The following PPP3CA variants were observed in gnomAD, a reference collection of about 807,000 sequenced individuals.
The protein encoded by PPP3CA is CAM-PRP catalytic subunit.
In PPP3CA, 14 loss-of-function variants were observed where a neutral mutation model predicts 66.5. That is an observed-to-expected ratio of 0.21 (90% CI 0.14 to 0.33). PPP3CA has a LOEUF of 0.33. Ranked by LOEUF, PPP3CA falls within the 10% of genes least tolerant of loss-of-function variation. The pLI, the probability that PPP3CA is intolerant of heterozygous loss-of-function variation, is 1.00. For missense variants in PPP3CA, 317 were observed against 639.5 expected (o/e 0.50, Z 5.44); for synonymous variants, 232 against 226.2 (o/e 1.03, Z -0.23).
In PPP3CA at chr4:101,023,851, A is replaced by G. The variant is rs1395572349; in HGVS notation, c.*2014T>C. 1 of 152,646 alleles carries G rather than the reference A, an allele frequency of 6.6e-6. No homozygotes were observed. Among genetic ancestry groups the G allele is most frequent in the African/African-American group, 2.4e-5 (1 of 41,460 alleles). The allele number at this position is 152,646 out of a possible 1,614,324, so 9.5% of individuals were successfully genotyped here. A position where few individuals can be genotyped will look rare whatever the true frequency, so the allele number is the denominator to read the frequency against. On this transcript the variant is annotated 3_prime_UTR_variant, in exon 14 of 14. Coordinates refer to ENST00000394854, the MANE Select transcript of PPP3CA (RefSeq NM_000944.5). ...TGAACAATGTTACAAACAAACTGAA[A>G]TTTGGTGTATCTTAAATCTTCGGGT...
intron 1 of PPP3CA, among the ~76,000 whole-genome samples, chr4:101,250,141 A>G (rs1200123307): frequency 6.6e-6 from 1 of 152,188 alleles, no homozygotes; most frequent in East Asian, 1.9e-4. Flanking sequence ...AGAGCCAATG[A>G]GATTTCTGAT....
intron 2 of PPP3CA, among the ~76,000 whole-genome samples, chr4:101,163,596 A>T (rs1279566452): frequency 6.6e-6 from 1 of 152,026 alleles, no homozygotes; most frequent in African/African-American, 2.4e-5. Context: ...AGGTGTGTTC[A>T]TCCTTATTTT....
At chr4:101,086,464 C>A (rs1729678979) in intron 6 of PPP3CA, among the ~76,000 whole-genome samples, 1 of 152,090 alleles carries the variant, frequency 6.6e-6, no homozygotes, top group African/African-American at 2.4e-5. Context: ...TCATATTGAA[C>A]TATATTTTCA....
At chr4:101,287,398 T>C (rs1727877617) in intron 1 of PPP3CA, among the ~76,000 whole-genome samples, 1 of 152,232 alleles carries the variant, frequency 6.6e-6, no homozygotes, top group African/African-American at 2.4e-5. Flanking sequence ...GATATAGAAA[T>C]TAAAAGCCTT....
chr4:101,199,968 G>A (rs532192338), intron 1 of PPP3CA, among the ~76,000 whole-genome samples: 1 of 152,300 alleles, frequency 6.6e-6, no homozygotes, highest in East Asian at 1.9e-4. Flanking sequence ...TGCAGCCAGA[G>A]TAATCCTAGC....
chr4:101,284,211 G>A lies in PPP3CA; in HGVS notation c.58+62528C>T, dbSNP rs957940240. Among the ~76,000 whole-genome samples, 3 of 152,232 alleles carry A rather than the reference G, an allele frequency of 2.0e-5. No homozygotes were observed. The South Asian group carries it at 6.2e-4, about 32-fold the overall frequency. On this transcript the variant is annotated intron_variant, in intron 1 of 13. Transcript: ENST00000394854. ...TTGCTTTATATTTGTATCCATAAGC[G>A]TAATCAGGAAGTATAACGGTAACTT...
intron 2 of PPP3CA, among the ~76,000 whole-genome samples, chr4:101,120,384 G>C (rs2110272582): frequency 6.6e-6 from 1 of 152,096 alleles, no homozygotes; most frequent in African/African-American, 2.4e-5. Flanking sequence ...CAATGGTACT[G>C]AAAAGCATCA....
chr4:101,145,811 GAAAT>G (rs1722951337), intron 2 of PPP3CA, among the ~76,000 whole-genome samples: 1 of 151,940 alleles, frequency 6.6e-6, no homozygotes, highest in Non-Finnish European at 1.5e-5. Flanking sequence ...TATTTAAAAA[GAAAT>G]AACATCACTG....
Position 101,024,784 on chromosome 4 carries a change from T to C in PPP3CA, c.*1081A>G, listed in dbSNP as rs1726550332. On this transcript the variant is annotated 3_prime_UTR_variant, in exon 14 of 14. Coordinates refer to ENST00000394854, the MANE Select transcript of PPP3CA (RefSeq NM_000944.5). Reference sequence around the variant, plus strand: ...CTCCCCTTTAGATTTTTTCAAAGCTTTTTTTTGATTACAAAATTTCAAAGG... The same window carrying C: ...CTCCCCTTTAGATTTTTTCAAAGCTCTTTTTTGATTACAAAATTTCAAAGG... 6.6e-6 allele frequency: 1 copy of C among 152,566 alleles called. No individual in the cohort carries two copies. The highest frequency in any genetic ancestry group is 6.5e-5 in the Admixed American group (1 of 15,274). The allele number at this position is 152,566 out of a possible 1,614,324, so 9.5% of individuals were successfully genotyped here. A position where few individuals can be genotyped will look rare whatever the true frequency, so the allele number is the denominator to read the frequency against.
At chr4:101,300,894 C>T (rs947474083) in intron 1 of PPP3CA, among the ~76,000 whole-genome samples, 4 of 151,884 alleles carry the variant, frequency 2.6e-5, no homozygotes, top group African/African-American at 9.7e-5. Flanking sequence ...GAGTTCTCTC[C>T]ATACAAAAAA....
At chr4:101,044,499 C>T (rs1372073198) in intron 10 of PPP3CA, among the ~76,000 whole-genome samples, 1 of 152,088 alleles carries the variant, frequency 6.6e-6, no homozygotes, top group Non-Finnish European at 1.5e-5. Flanking sequence ...GTGGTGATTT[C>T]TTTCCACTTA....
At chr4:101,042,880 T>G (rs1727592440) in intron 10 of PPP3CA, among the ~76,000 whole-genome samples, 1 of 151,664 alleles carries the variant, frequency 6.6e-6, no homozygotes, top group South Asian at 2.1e-4. Context: ...TATATATATA[T>G]TTCAGTTATT....
At chr4:101,276,103 C>T (rs1050101460) in intron 1 of PPP3CA, among the ~76,000 whole-genome samples, 1 of 151,994 alleles carries the variant, frequency 6.6e-6, no homozygotes, top group African/African-American at 2.4e-5. Flanking sequence ...CTATGTTTCC[C>T]AGGCTGGTCC....
chr4:101,185,152 T>A (rs976239284), intron 2 of PPP3CA, among the ~76,000 whole-genome samples: 1 of 151,392 alleles, frequency 6.6e-6, no homozygotes, highest in Non-Finnish European at 1.5e-5. Context: ...CATGCCAAAA[T>A]TCTTCTAACT....
At chr4:101,241,280 C>A (rs537018686) in intron 1 of PPP3CA, among the ~76,000 whole-genome samples, 2 of 152,214 alleles carry the variant, frequency 1.3e-5, no homozygotes, top group East Asian at 3.9e-4. Context: ...CATCTATAAA[C>A]CAGCAATATC....
intron 8 of PPP3CA, among the ~76,000 whole-genome samples, chr4:101,064,503 A>C (rs1204082777): frequency 6.6e-6 from 1 of 151,984 alleles, no homozygotes; most frequent in Non-Finnish European, 1.5e-5. Flanking sequence ...ATTTTATATG[A>C]TATCATATGA....
chr4:101,250,095 T>C (rs929237454), intron 1 of PPP3CA, among the ~76,000 whole-genome samples: 8 of 152,196 alleles, frequency 5.3e-5, no homozygotes, highest in African/African-American at 1.4e-4. Context: ...CGTGGTTCAG[T>C]TTTAAACACA....
rs573973154 is a variant in PPP3CA, at chr4:101,232,967, A to G, written c.59-36851T>C. Among the ~76,000 whole-genome samples the G allele has an allele frequency of 1.2e-4, 18 of 151,854 alleles. No individual in the cohort carries two copies. In the South Asian group the frequency reaches 3.7e-3, roughly 31 times the overall value. On this transcript the variant is annotated intron_variant, in intron 1 of 13. Coordinates refer to ENST00000394854, the MANE Select transcript of PPP3CA (RefSeq NM_000944.5). Reference sequence around the variant, plus strand: ...TAAAATAACTTCTTCATTTCTACATATTAGGCTGCTATCTACCCAAATTAA... The same window carrying G: ...TAAAATAACTTCTTCATTTCTACATGTTAGGCTGCTATCTACCCAAATTAA...
Position 101,083,260 on chromosome 4 carries a change from G to C in PPP3CA, c.786C>G (p.Tyr262Ter). 1 of 1,608,732 alleles carries C rather than the reference G, an allele frequency of 6.2e-7. No individual in the cohort carries two copies. The highest frequency in any genetic ancestry group is 8.5e-7 in the Non-Finnish European group (1 of 1,177,004). The change falls in exon 7 of 14, where the codon TAC (tyrosine) becomes TAG (stop). Residue 262 changes from tyrosine (Y) to a stop codon, truncating the protein, a stop_gained. Transcript: ENST00000394854. LOFTEE classifies it high-confidence loss of function. Reference sequence around the variant, plus strand: ...GCTGTAAGAATTCACATACAGCCGGGTAACTGCCAGAGACAAAAAGAAAAG... The same window carrying C: ...GCTGTAAGAATTCACATACAGCCGGCTAACTGCCAGAGACAAAAAGAAAAG... ...TVRGCSYFYS[Y>*]PAVCEFLQHN...
Sources: gnomAD v4.1 joint callset for allele counts (sites outside exome capture counted in the v4.1 genomes callset) on GRCh38, gnomAD v4.1.1 for gene constraint, MANE v1.5 for transcripts, NCBI Gene and HGNC (gene_info 2026-07-23, HGNC 2026-07-21) for gene names.